WDR41: variants seen among roughly 807,000 people sequenced by gnomAD.
WDR41 encodes WD repeat domain 41, also known as WD repeat-containing protein 41.
Under a neutral mutation model 69.3 loss-of-function variants are expected in WDR41, and 63 were observed. That is an observed-to-expected ratio of 0.91 (90% CI 0.74 to 1.12). The LOEUF (loss-of-function observed/expected upper bound fraction) is 1.12. Ranked by LOEUF, WDR41 falls within the 50% of genes most tolerant of loss-of-function variation. WDR41 has a pLI of 0.00. For synonymous variants in WDR41, 185 were observed against 192.1 expected (o/e 0.96, Z 0.31); for missense variants, 543 against 534.5 (o/e 1.02, Z -0.16).
Position 77,492,200 on chromosome 5 carries a change from C to G in WDR41, c.21G>C (p.Gly7=). The change falls in exon 1 of 13, where the codon GGG becomes GGC. Residue 7 remains glycine, a synonymous_variant. Coordinates refer to ENST00000296679, the MANE Select transcript of WDR41 (RefSeq NM_018268.4). MLRWLI[G]GGREPQGLAE... ...CCAGTCCCTGCGGTTCTCGGCCTCC[C>G]CCGATCAGCCATCGCAACATCCGGG... 1.9e-6 allele frequency: 3 copies of G among 1,612,530 alleles called. No homozygotes were observed. The highest frequency in any genetic ancestry group is 2.5e-6 in the Non-Finnish European group (3 of 1,179,502).
chr5:77,489,461 A>C lies in WDR41; in HGVS notation c.163T>G (p.Tyr55Asp). Residue 55 changes from tyrosine (Y) to aspartate (D), a missense_variant, in exon 2 of 13, where the codon TAC (tyrosine) becomes GAC (aspartate). Coordinates refer to ENST00000296679, the MANE Select transcript of WDR41 (RefSeq NM_018268.4). Reference sequence around the variant, plus strand: ...TAGACCACTATAGCTTCTTACCTGTAGTCATCTAACTGTACCAGAAATCGT... The same window carrying C: ...TAGACCACTATAGCTTCTTACCTGTCGTCATCTAACTGTACCAGAAATCGT... Reference protein sequence around the residue: ...IVRFLVQLDDYRFASAGDDGI... With the variant: ...IVRFLVQLDDDRFASAGDDGI... 1 of 1,587,732 alleles carries C rather than the reference A, an allele frequency of 6.3e-7. No individual in the cohort carries two copies. The highest frequency in any genetic ancestry group is 8.6e-7 in the Non-Finnish European group (1 of 1,165,008).
chr5:77,469,977 C>T (rs933085182), intron 2 of WDR41, among the ~76,000 whole-genome samples: 15 of 151,010 alleles, frequency 9.9e-5, no homozygotes, highest in Admixed American at 9.9e-4. Flanking sequence ...ACATAATTGT[C>T]AGATTCACCA....
chr5:77,474,038 A>C (rs1173855352), intron 2 of WDR41, among the ~76,000 whole-genome samples: 1 of 152,226 alleles, frequency 6.6e-6, no homozygotes, highest in African/African-American at 2.4e-5. Flanking sequence ...ACCAACCCAA[A>C]TGTCCAACAA....
Position 77,588,604 on chromosome 5 carries a change from C to T in WDR41, c.42+31875G>A, listed in dbSNP as rs544976334. Reference sequence around the variant, plus strand: ...TCTATTTCTGTGTTTTCTACTTCATCTCACTGACCTATATGGTCAATTCTC... The same window carrying T: ...TCTATTTCTGTGTTTTCTACTTCATTTCACTGACCTATATGGTCAATTCTC... On this transcript the variant is annotated intron_variant, in intron 1 of 5. Transcript: ENST00000509971. Among the ~76,000 whole-genome samples the T allele has an allele frequency of 3.3e-5, 5 of 152,254 alleles. No homozygotes were observed. The South Asian group carries it at 8.3e-4, about 25-fold the overall frequency.
At chr5:77,523,861 A>T (rs1802408996) in intron 1 of WDR41, among the ~76,000 whole-genome samples, 1 of 152,214 alleles carries the variant, frequency 6.6e-6, no homozygotes, top group South Asian at 2.1e-4. Context: ...TAAGAAAATG[A>T]GAAAGAAAAA....
rs146405822 is a variant in WDR41 at position 77,440,848 on chromosome 5, C to T, written c.847G>A (p.Asp283Asn). 5.8e-5 allele frequency: 93 copies of T among 1,613,978 alleles called. No individual in the cohort carries two copies. Among genetic ancestry groups the T allele is most frequent in the Non-Finnish European group, 7.5e-5 (89 of 1,180,028 alleles). ...QEIKLCQKSN[D>N]ISIHHFTCDE... ...CATGTGAAATGATGAATAGAAATGT[C>T]ATTTGATTTTTGACAGAGTTTTATT... is the stretch of plus-strand genomic sequence containing the variant. The change falls in exon 9 of 13, where the codon GAC becomes AAC. Residue 283 changes from aspartate (D) to asparagine (N), a missense_variant. Asp to Asn is a conservative substitution (Grantham distance 23, BLOSUM62 1). Transcript: ENST00000296679.
chr5:77,512,682 G>T (rs2112175779), intron 1 of WDR41, among the ~76,000 whole-genome samples: 1 of 145,660 alleles, frequency 6.9e-6, no homozygotes, highest in African/African-American at 2.5e-5. Flanking sequence ...GGAGGCGGAG[G>T]TTGCAGTGAG....
intron 2 of WDR41, among the ~76,000 whole-genome samples, chr5:77,486,331 A>C (rs1356425235): frequency 6.6e-6 from 1 of 152,236 alleles, no homozygotes; most frequent in African/African-American, 2.4e-5. Context: ...TCATGAAGTC[A>C]TATCATCACT....
intron 2 of WDR41, among the ~76,000 whole-genome samples, chr5:77,466,393 T>G (rs1800305469): frequency 6.6e-6 from 1 of 151,912 alleles, no homozygotes; most frequent in South Asian, 2.1e-4. Flanking sequence ...TGATTTCTTT[T>G]TATTTGTATA....
chr5:77,451,105 G>T (rs1265613657), intron 7 of WDR41, among the ~76,000 whole-genome samples, 186 bp downstream of exon 7: 1 of 152,116 alleles, frequency 6.6e-6, no homozygotes, highest in Non-Finnish European at 1.5e-5. Flanking sequence ...TTAAAACACT[G>T]ATAAGAAAAA....
At chr5:77,594,215 T>C (rs1017128348) in intron 1 of WDR41, among the ~76,000 whole-genome samples, 17 of 126,054 alleles carry the variant, frequency 1.3e-4, no homozygotes, top group Non-Finnish European at 1.2e-4. Flanking sequence ...AATTGAACAA[T>C]GAGAACACTT....
At chr5:77,606,979 T>C (rs1440609111) in intron 1 of WDR41, among the ~76,000 whole-genome samples, 1 of 149,966 alleles carries the variant, frequency 6.7e-6, no homozygotes, top group Non-Finnish European at 1.5e-5. Context: ...AAACTGTGAC[T>C]TCTGTGGGAA....
chr5:77,501,306 G>A (rs928228458), intron 1 of WDR41, among the ~76,000 whole-genome samples: 4 of 152,238 alleles, frequency 2.6e-5, no homozygotes, highest in East Asian at 1.9e-4. Context: ...ACTGCAAGGC[G>A]GCAGCCTGGC....
At chr5:77,589,935 G>C (rs1744107241) in intron 1 of WDR41, among the ~76,000 whole-genome samples, 1 of 152,050 alleles carries the variant, frequency 6.6e-6, no homozygotes. Flanking sequence ...TCAATATTAT[G>C]TTTGATGTTT....
chr5:77,496,335 C>T (rs1175846936), upstream of WDR41, among the ~76,000 whole-genome samples: 1 of 151,916 alleles, frequency 6.6e-6, no homozygotes, highest in South Asian at 2.1e-4. Context: ...TCTCTATTTG[C>T]AGATGATATG....
chr5:77,528,602 C>T (rs897348547), intron 1 of WDR41, among the ~76,000 whole-genome samples: 4 of 151,654 alleles, frequency 2.6e-5, no homozygotes, highest in Admixed American at 2.6e-4. Context: ...TAGCCAACCT[C>T]ATTCATGTAC....
Position 77,433,239 on chromosome 5 carries a change from G to A in WDR41, c.1276C>T (p.His426Tyr), listed in dbSNP as rs1004940557. Residue 426 changes from histidine to tyrosine, a missense_variant, in exon 13 of 13, where the codon CAT (histidine) becomes TAT (tyrosine). By Grantham distance (83) the His-to-Tyr change is moderately conservative (BLOSUM62 2). Transcript: ENST00000296679. ...DHGLVTCSADHLIILWKNGER... is the reference protein window; with the variant it reads ...DHGLVTCSADYLIILWKNGER... ...CCATTTTTCCACAAAATAATGAGAT[G>A]ATCAGCGGAGCACGTCACTAGTCCA... The A allele has an allele frequency of 1.2e-6, 2 of 1,613,924 alleles. No individual in the cohort carries two copies. The highest frequency in any genetic ancestry group is 1.7e-6 in the Non-Finnish European group (2 of 1,179,914).
At chr5:77,453,101 A>G (rs3797642) in intron 6 of WDR41, among the ~76,000 whole-genome samples, 17,977 of 152,222 alleles carry the variant, frequency 0.12, 1,303 homozygotes, top group South Asian at 0.17. Context: ...ACTTTAAAAT[A>G]TCTACGTGGA....
intron 2 of WDR41, among the ~76,000 whole-genome samples, chr5:77,471,307 G>A (rs1347706848): frequency 1.3e-5 from 2 of 152,100 alleles, no homozygotes; most frequent in African/African-American, 4.8e-5. Context: ...AGCACTAAAT[G>A]CCCACAAGAG....
Sources: allele counts gnomAD v4.1 joint callset (sites outside exome capture counted in the v4.1 genomes callset), GRCh38; gene constraint gnomAD v4.1.1; transcripts MANE v1.5; gene names NCBI Gene and HGNC (gene_info 2026-07-23, HGNC 2026-07-21).